HYDIN: variants seen among roughly 807,000 people sequenced by gnomAD.
HYDIN encodes the protein axonemal central pair apparatus protein HYDIN.
Under a neutral mutation model 403.9 loss-of-function variants are expected in HYDIN, and 132 were observed. The ratio of observed to expected loss-of-function variants is 0.33; its 90% CI spans 0.28 to 0.38. The LOEUF is 0.38. HYDIN is among the 10% of genes least tolerant of loss of function. The pLI is 1.00. For missense variants in HYDIN, 2,827 were observed against 5,009.5 expected (o/e 0.56, Z 13.15); for synonymous variants, 1,202 against 1,891.7 (o/e 0.64, Z 9.46).
chr16:71,178,246 C>G (rs1005522149), intron 4 of HYDIN, among the ~76,000 whole-genome samples: 8 of 151,852 alleles, frequency 5.3e-5, no homozygotes, highest in African/African-American at 1.9e-4. Context: ...ATGGAGAAAC[C>G]CTGTTTCTAC....
chr16:71,152,544 A>G, intron 7 of HYDIN, 115 bp downstream of exon 7: 1 of 943,016 alleles, frequency 1.1e-6, no homozygotes. Flanking sequence ...CACAAAATCC[A>G]TTGTATCATT....
At chr16:70,813,732 G>C in intron 84 of HYDIN, among the ~76,000 whole-genome samples, 1 of 151,274 alleles carries the variant, frequency 6.6e-6, no homozygotes, top group Admixed American at 6.6e-5. Context: ...TGAGGAACTT[G>C]ACAAGCTGAT....
At chr16:70,842,911 T>C (rs2037926504) in intron 75 of HYDIN, among the ~76,000 whole-genome samples, 1 of 151,942 alleles carries the variant, frequency 6.6e-6, no homozygotes, top group Non-Finnish European at 1.5e-5. Context: ...TGTTTTACTA[T>C]ATTCTTTTGA....
Position 70,884,016 on chromosome 16 carries a change from A to G in HYDIN, c.9883T>C (p.Cys3295Arg). 6.2e-7 allele frequency: 1 copy of G among 1,614,138 alleles called. No homozygotes were observed. Among genetic ancestry groups the G allele is most frequent in the African/African-American group, 1.3e-5 (1 of 75,012 alleles). Residue 3295 changes from cysteine to arginine, a missense_variant, in exon 59 of 86, where the codon TGT becomes CGT. Cys to Arg is a radical substitution (Grantham distance 180, BLOSUM62 -3). Transcript: ENST00000393567. The part of the protein sequence containing the change: ...VDCVADAMGK[C>R]EEFIAIDISG... ...ATATCGATGGCTATAAACTCCTCACACTTTCCCATGGCGTCAGCCACACAG... is the reference window on the plus strand; with the variant it reads ...ATATCGATGGCTATAAACTCCTCACGCTTTCCCATGGCGTCAGCCACACAG...
At chr16:70,881,570 T>C (rs2040810010) in intron 60 of HYDIN, among the ~76,000 whole-genome samples, 1 of 142,978 alleles carries the variant, frequency 7.0e-6, no homozygotes, top group African/African-American at 2.9e-5. Flanking sequence ...ATTGCGCCAC[T>C]GCACTCCAGC....
intron 15 of HYDIN, among the ~76,000 whole-genome samples, chr16:71,066,317 G>C (rs2082262760): frequency 6.6e-6 from 1 of 152,094 alleles, no homozygotes; most frequent in Non-Finnish European, 1.5e-5. Flanking sequence ...GTCACAGTGG[G>C]AACCCTAATT....
At chr16:70,865,781 T>C (rs1006152494) in intron 67 of HYDIN, among the ~76,000 whole-genome samples, 11 of 152,110 alleles carry the variant, frequency 7.2e-5, no homozygotes, top group Non-Finnish European at 1.2e-4. Context: ...TGATGGTCTT[T>C]TGGGTCTGGG....
intron 74 of HYDIN, among the ~76,000 whole-genome samples, chr16:70,850,214 C>A (rs373133804): frequency 2.0e-5 from 3 of 148,520 alleles, no homozygotes; most frequent in African/African-American, 7.9e-5. Context: ...ATGTTTAACA[C>A]AAGCACTCTT....
chr16:70,819,369 C>T (rs1275962695), intron 83 of HYDIN, among the ~76,000 whole-genome samples: 1 of 152,024 alleles, frequency 6.6e-6, no homozygotes, highest in Non-Finnish European at 1.5e-5. Context: ...TATTATGCCA[C>T]TTAACCTTTT....
At position 70,805,064 on chromosome 16, in the gene HYDIN, G is replaced by A. The variant is rs1415804453; in HGVS notation, c.*2516C>T. 6.6e-6 allele frequency among the ~76,000 whole-genome samples: 1 copy of A among 152,210 alleles called. No homozygotes were observed. The highest frequency in any genetic ancestry group is 1.5e-5 in the Non-Finnish European group (1 of 68,042). On this transcript the variant is annotated 3_prime_UTR_variant, in exon 86 of 86. Coordinates refer to ENST00000393567, the MANE Select transcript of HYDIN (RefSeq NM_001270974.2). ...AAAAGTACACCCTTTTGAAGAGTAG[G>A]GTGAGGGACCAATTGCTTCCCTTCT...
intron 78 of HYDIN, 26 bp downstream of exon 78, chr16:70,835,650 C>A: frequency 1.6e-6 from 1 of 610,560 alleles, no homozygotes; most frequent in East Asian, 2.8e-5. Flanking sequence ...ATGAAGGGGC[C>A]GCTAGGAGCC....
chr16:71,223,735 T>A (rs778271698), intron 1 of HYDIN, among the ~76,000 whole-genome samples: 1 of 152,008 alleles, frequency 6.6e-6, no homozygotes, highest in African/African-American at 2.4e-5. Context: ...AAAATGCTCA[T>A]CAGTAGTTGT....
rs2080428575 is a variant in HYDIN at position 71,020,159 on chromosome 16, C to A, written c.3330+15G>T. The stretch of plus-strand genomic sequence containing the variant: ...ACCCCAGACAGCTTGCCAGAACAGA[C>A]CCCTATTAAGGTACCTCAGGAGTTG... On this transcript the variant is annotated intron_variant, in intron 22 of 85. Transcript: ENST00000393567. 3.1e-6 allele frequency: 5 copies of A among 1,613,432 alleles called. No individual in the cohort carries two copies. In the South Asian group the frequency reaches 3.3e-5, roughly 11 times the overall value.
rs1236515114 is a variant in HYDIN at position 70,868,728 on chromosome 16, G to A, written c.11152C>T (p.Pro3718Ser). Reference protein sequence around the residue: ...DIVVTMKSDVPINLKNMRIRC... With the variant: ...DIVVTMKSDVSINLKNMRIRC... Reference sequence around the variant, plus strand: ...ATCCGCATATTCTTTAGGTTGATGGGTACATCTGACTTCATGGTCACCACT... The same window carrying A: ...ATCCGCATATTCTTTAGGTTGATGGATACATCTGACTTCATGGTCACCACT... Residue 3718 changes from proline to serine, a missense_variant, in exon 66 of 86, where the codon CCC becomes TCC. By Grantham distance (74) the Pro-to-Ser change is moderately conservative. Transcript: ENST00000393567. 6.2e-7 allele frequency: 1 copy of A among 1,614,014 alleles called. No individual in the cohort carries two copies. The highest frequency in any genetic ancestry group is 1.7e-5 in the Admixed American group (1 of 60,002).
intron 23 of HYDIN, among the ~76,000 whole-genome samples, chr16:71,003,190 A>G (rs1341943597): frequency 1.3e-5 from 2 of 152,142 alleles, no homozygotes; most frequent in African/African-American, 4.8e-5. Flanking sequence ...TATTTTTACA[A>G]TAAGGCTTGA....
chr16:71,203,744 C>G (rs1598022728), intron 1 of HYDIN: 1 of 456,014 alleles, frequency 2.2e-6, no homozygotes, highest in Non-Finnish European at 4.4e-6. Context: ...TGCAGAGGCT[C>G]ATATGGGTCC....
rs2087475036 is a variant in HYDIN at position 71,192,294 on chromosome 16, G to GACCTATCCAACTCCAGATA, written c.-23-5377_-23-5376insTATCTGGAGTTGGATAGGT. 2.0e-5 allele frequency among the ~76,000 whole-genome samples: 3 copies of GACCTATCCAACTCCAGATA among 152,200 alleles called. No homozygotes were observed. In the East Asian group the frequency reaches 5.8e-4, roughly 29 times the overall value. On this transcript the variant is annotated intron_variant, in intron 1 of 85. Coordinates refer to ENST00000393567, the MANE Select transcript of HYDIN (RefSeq NM_001270974.2). ...TTAATGTCACTACCACATCTTGCCTGGGTAACTGCAACACTTAACTGACCT... is the reference window on the plus strand; with the variant it reads ...TTAATGTCACTACCACATCTTGCCTGACCTATCCAACTCCAGATAGGTAACTGCAACACTTAACTGACCT...
At chr16:70,901,760 A>G (rs1201635085) in intron 52 of HYDIN, among the ~76,000 whole-genome samples, 1 of 151,490 alleles carries the variant, frequency 6.6e-6, no homozygotes, top group African/African-American at 2.4e-5. Flanking sequence ...TAATTTTTGT[A>G]TTTTTAGTAC....
Position 70,883,995 on chromosome 16 carries a change from C to T in HYDIN, c.9904G>A (p.Asp3302Asn), listed in dbSNP as rs773404736. 36 of 1,614,052 alleles carry T rather than the reference C, an allele frequency of 2.2e-5. No homozygotes were observed. The Admixed American group carries it at 5.3e-4, about 24-fold the overall frequency. ...ACTGCAGGGTCTCGGCCGGAGATAT[C>T]GATGGCTATAAACTCCTCACACTTT... is the stretch of plus-strand genomic sequence containing the variant. ...MGKCEEFIAI[D>N]ISGRDPAVHP... is the part of the protein sequence containing the mutation. The change falls in exon 59 of 86, where the codon GAT becomes AAT. Residue 3302 changes from aspartate to asparagine, a missense_variant. Transcript: ENST00000393567.
Sources: gnomAD v4.1 joint callset for allele counts (sites outside exome capture counted in the v4.1 genomes callset) on GRCh38, gnomAD v4.1.1 for gene constraint, MANE v1.5 for transcripts, NCBI Gene and HGNC (gene_info 2026-07-23, HGNC 2026-07-21) for gene names.